Variants in CAPN8 observed in about 807,000 individuals in gnomAD.
CAPN8 encodes calpain 8, also known as calpain-8.
A neutral mutation model predicts 80.9 loss-of-function variants in CAPN8; 87 were observed. That is an observed-to-expected ratio of 1.07 (90% CI 0.90 to 1.28). The LOEUF (loss-of-function observed/expected upper bound fraction) is 1.28, where lower values mean the gene tolerates loss of function less well. Among genes scored for constraint, CAPN8 ranks in the 50% most tolerant of loss-of-function variants. The pLI is 0.00. For missense variants in CAPN8, 757 were observed against 702.0 expected (o/e 1.08, Z -0.89); for synonymous variants, 299 against 273.8 (o/e 1.09, Z -0.91).
intron 19 of CAPN8, among the ~76,000 whole-genome samples, chr1:223,543,803 T>C (rs1412822674): frequency 6.6e-6 from 1 of 152,232 alleles, no homozygotes; most frequent in Non-Finnish European, 1.5e-5. Context: ...ACACTGTAGA[T>C]GCGCAATAGT....
chr1:223,609,255 C>T lies in CAPN8; in HGVS notation c.1433G>A (p.Arg478Gln), dbSNP rs1361847834. 14 of 398,398 alleles carry T rather than the reference C, an allele frequency of 3.5e-5. No individual in the cohort carries two copies. The highest frequency in any genetic ancestry group is 4.4e-5 in the Admixed American group (1 of 22,698). 24.7% of individuals were successfully genotyped at this position (398,398 alleles called of 1,614,324 possible). ...CACCAGGTACTCCCCAGGGGGCAGC[C>T]GGGCCCGGCCAGAGACCTCCCGCAG... ...VNLREVSGRA[R>Q]LPPGEYLVVP... Residue 478 changes from arginine (R) to glutamine (Q), a missense_variant, in exon 12 of 21, where the codon CGG (arginine) becomes CAG (glutamine). Transcript: ENST00000366872.
intron 2 of CAPN8, chr1:223,629,059 G>A: frequency 4.9e-6 from 2 of 404,568 alleles, no homozygotes; most frequent in Non-Finnish European, 8.9e-6. Context: ...TCAGCCAGTG[G>A]AGTGGAAAAG....
At chr1:223,632,560 G>A (rs1657803528) in intron 2 of CAPN8, among the ~76,000 whole-genome samples, 2 of 151,830 alleles carry the variant, frequency 1.3e-5, no homozygotes, top group Non-Finnish European at 2.9e-5. Flanking sequence ...TACAGAGCTG[G>A]GGTCTCACTA....
chr1:223,640,903 A>T (rs1401860993), intron 2 of CAPN8, among the ~76,000 whole-genome samples: 1 of 152,154 alleles, frequency 6.6e-6, no homozygotes, highest in Non-Finnish European at 1.5e-5. Flanking sequence ...AGTAACACTG[A>T]ACATTTTGCT....
intron 2 of CAPN8, among the ~76,000 whole-genome samples, chr1:223,637,372 G>A (rs1304290246): frequency 2.0e-5 from 3 of 152,024 alleles, no homozygotes; most frequent in African/African-American, 7.2e-5. Flanking sequence ...GTAACGCCTG[G>A]CTCCAGCTCT....
chr1:223,633,675 A>G (rs1558349755), intron 2 of CAPN8, among the ~76,000 whole-genome samples: 1 of 152,248 alleles, frequency 6.6e-6, no homozygotes, highest in African/African-American at 2.4e-5. Flanking sequence ...AAGAAAAAAA[A>G]TAAAATAAAA....
At chr1:223,622,347 C>T (rs1459824765) in intron 7 of CAPN8, among the ~76,000 whole-genome samples, 2 of 152,108 alleles carry the variant, frequency 1.3e-5, no homozygotes, top group South Asian at 2.1e-4. Flanking sequence ...GAGCGAGTGC[C>T]GCTGCCTCAT....
chr1:223,544,784 G>T lies in CAPN8; in HGVS notation c.1900C>A (p.Leu634Ile), dbSNP rs545584317. ...GATGTGTCCTCACCTGCCTTCCTGA[G>T]GGCTGTCCTCATCTCGTGGGCATCG... ...TIDAHEMRTA[L>I]RKAGFTLNSQ... is the part of the protein sequence containing the mutation. Residue 634 changes from leucine to isoleucine, a missense_variant, in exon 18 of 21, where the codon CTC (leucine) becomes ATC (isoleucine). Coordinates refer to ENST00000366872, the MANE Select transcript of CAPN8 (RefSeq NM_001143962.2). The T allele has an allele frequency of 2.9e-5, 45 of 1,551,580 alleles. No individual in the cohort carries two copies. Among genetic ancestry groups the T allele is most frequent in the Non-Finnish European group, 3.8e-5 (44 of 1,147,010 alleles).
At chr1:223,626,664 A>G (rs1208025212) in intron 5 of CAPN8, among the ~76,000 whole-genome samples, 1 of 152,190 alleles carries the variant, frequency 6.6e-6, no homozygotes, top group African/African-American at 2.4e-5. Context: ...TTTAGCAAAA[A>G]GGAGGTAGCA....
At position 223,550,964 on chromosome 1, in the gene CAPN8, G is replaced by C. The variant is rs1656770341; in HGVS notation, c.1695C>G (p.Ser565=). 1.4e-6 allele frequency: 1 copy of C among 717,934 alleles called. No homozygotes were observed. Among genetic ancestry groups the C allele is most frequent in the African/African-American group, 1.7e-5 (1 of 57,208 alleles). The allele number at this position is 717,934 out of a possible 1,614,324, so 44.5% of individuals were successfully genotyped here. A position where few individuals can be genotyped will look rare whatever the true frequency, so the allele number is the denominator to read the frequency against. Residue 565 remains serine, a synonymous_variant, in exon 15 of 21, where the codon TCC becomes TCG. Transcript: ENST00000366872. ...AGACCCCAAGAAGGAACTTACTCTT[G>C]GAAAACGCCTCATTCAAAAGTATCT... is the stretch of plus-strand genomic sequence containing the variant. The part of the protein sequence containing the change: ...ALKILLNEAF[S]KRTDIKFDGF...
At position 223,543,174 on chromosome 1, in the gene CAPN8, A is replaced by C; in HGVS notation, c.2030-8T>G. 1 of 1,551,530 alleles carries C rather than the reference A, an allele frequency of 6.4e-7. No individual in the cohort carries two copies. Among genetic ancestry groups the C allele is most frequent in the Non-Finnish European group, 8.7e-7 (1 of 1,146,888 alleles). ...CCAGAAGGCTGAATAGTTCTAAAAC[A>C]CCAGAGAAGGAAATGAAATTAGATA... On this transcript the variant is annotated splice_polypyrimidine_tract_variant and splice_region_variant and intron_variant, in intron 19 of 20. Transcript: ENST00000366872.
At chr1:223,545,344 G>GCC in intron 16 of CAPN8, 45 bp from the exon 17 acceptor site, 1 of 1,551,142 alleles carries the variant, frequency 6.4e-7, no homozygotes, top group Admixed American at 2.0e-5. Context: ...AATTCTACAT[G>GCC]CCTTATAGAT....
intron 2 of CAPN8, 75 bp from the exon 3 acceptor site, chr1:223,628,855 A>G (rs1657685042): frequency 1.6e-6 from 2 of 1,214,736 alleles, no homozygotes; most frequent in Non-Finnish European, 2.3e-6. Context: ...ACCCTGTCCC[A>G]TTCAACCCAG....
chr1:223,549,471 C>A, intron 15 of CAPN8, 89 bp from the exon 16 acceptor site: 1 of 1,539,250 alleles, frequency 6.5e-7, no homozygotes, highest in South Asian at 1.2e-5. Flanking sequence ...TCCAAAGATA[C>A]CATCCAAGGG....
At chr1:223,548,995 C>T (rs1291752441) in intron 16 of CAPN8, among the ~76,000 whole-genome samples, 1 of 152,002 alleles carries the variant, frequency 6.6e-6, no homozygotes, top group East Asian at 1.9e-4. Flanking sequence ...AAGAGATGAA[C>T]AGAGTGTGGA....
rs1015733886 is a variant in CAPN8, at chr1:223,665,676, G to A, written c.-30C>T. 1 of 1,523,266 alleles carries A rather than the reference G, an allele frequency of 6.6e-7. No homozygotes were observed. Among genetic ancestry groups the A allele is most frequent in the Non-Finnish European group, 8.9e-7 (1 of 1,122,654 alleles). 94.4% of individuals were successfully genotyped at this position (1,523,266 alleles called of 1,614,324 possible). On this transcript the variant is annotated 5_prime_UTR_variant, in exon 1 of 21. Coordinates refer to ENST00000366872, the MANE Select transcript of CAPN8 (RefSeq NM_001143962.2). ...GTGGGCTCTGTAGGGTGGACAGAAG[G>A]GCAGGGCTGCACTGTACTCTCAGAC...
At chr1:223,612,133 G>C in intron 11 of CAPN8, 113 bp downstream of exon 11, 3 of 891,858 alleles carry the variant, frequency 3.4e-6, no homozygotes, top group Non-Finnish European at 4.4e-6. Context: ...TCATGTGAGA[G>C]CTGTGGAACA....
chr1:223,617,282 G>GTTT (rs1558342047), intron 9 of CAPN8: 15 of 90,314 alleles, frequency 1.7e-4, no homozygotes, highest in African/African-American at 4.5e-4. Context: ...TTTTTTTTTG[G>GTTT]GGGGGGGGGT....
intron 1 of CAPN8, among the ~76,000 whole-genome samples, chr1:223,663,135 C>T (rs1295851752): frequency 6.6e-6 from 1 of 152,214 alleles, no homozygotes; most frequent in Non-Finnish European, 1.5e-5. Context: ...AATTTTACTT[C>T]CTCCTTTGAC....
Sources: gnomAD v4.1 joint callset for allele counts (sites outside exome capture counted in the v4.1 genomes callset) on GRCh38, gnomAD v4.1.1 for gene constraint, MANE v1.5 for transcripts, NCBI Gene and HGNC (gene_info 2026-07-23, HGNC 2026-07-21) for gene names.